The following SZRD1 variants were observed in gnomAD, a reference collection of about 807,000 sequenced individuals.
SZRD1 encodes SUZ RNA-binding domain-containing.
SZRD1 carries 7 observed loss-of-function variants against 17.6 expected under a neutral mutation model. The observed-to-expected ratio is 0.40, with a 90% CI of 0.23 to 0.75. The LOEUF (loss-of-function observed/expected upper bound fraction) is 0.75, where lower values mean the gene tolerates loss of function less well. Among genes scored for constraint, SZRD1 ranks in the 30% least tolerant of loss-of-function variants. The pLI, the probability that SZRD1 is intolerant of heterozygous loss-of-function variation, is 0.38. For synonymous variants in SZRD1, 77 were observed against 77.9 expected (o/e 0.99, Z 0.06); for missense variants, 178 against 201.8 (o/e 0.88, Z 0.71).
chr1:16,367,628 T>A (rs2082844792), intron 1 of SZRD1: 1 of 422,540 alleles, frequency 2.4e-6, no homozygotes, highest in Non-Finnish European at 4.3e-6. Context: ...TGTGACTCTT[T>A]CCGATGAGCC....
At chr1:16,373,078 A>G (rs2082940609) in intron 1 of SZRD1, among the ~76,000 whole-genome samples, 1 of 152,136 alleles carries the variant, frequency 6.6e-6, no homozygotes, top group Non-Finnish European at 1.5e-5. Context: ...GAGGGCTACA[A>G]GTATTTCCTT....
rs370218450 is a variant in SZRD1, at chr1:16,373,294, T to G, written c.51+5986T>G. On this transcript the variant is annotated intron_variant, in intron 1 of 3. Transcript: ENST00000401088. ...AGATTTATTTATTTATGTTTTAAATTTTTTGCCGGACACGATGGCTCATGC... is the reference window on the plus strand; with the variant it reads ...AGATTTATTTATTTATGTTTTAAATGTTTTGCCGGACACGATGGCTCATGC... Among the ~76,000 whole-genome samples, 29 of 151,820 alleles carry G rather than the reference T, an allele frequency of 1.9e-4. 1 individual carries two copies. In the South Asian group the frequency reaches 5.8e-3, roughly 30 times the overall value.
chr1:16,391,460 C>T lies in SZRD1; in HGVS notation c.101+36C>T. 3 of 1,531,812 alleles carry T rather than the reference C, an allele frequency of 2.0e-6. No individual in the cohort carries two copies. Among genetic ancestry groups the T allele is most frequent in the Non-Finnish European group, 2.6e-6 (3 of 1,132,222 alleles). The allele number at this position is 1,531,812 out of a possible 1,614,324, so 94.9% of individuals were successfully genotyped here. A position where few individuals can be genotyped will look rare whatever the true frequency, so the allele number is the denominator to read the frequency against. On this transcript the variant is annotated intron_variant, in intron 2 of 3. Transcript: ENST00000401088. The surrounding 1 kb of genome is among the most constrained non-coding windows in gnomAD (Gnocchi z 4.3). ...TGTCTGGTCTGAGGGCTCATGCTCT[C>T]TGTGGTTTGAGAGCCGGGCAGTCAG...
intron 1 of SZRD1, among the ~76,000 whole-genome samples, chr1:16,375,290 CCAATAGTCTGTAT>C (rs1366451379): frequency 6.6e-6 from 1 of 151,914 alleles, no homozygotes; most frequent in Non-Finnish European, 1.5e-5. Flanking sequence ...GCAACAAACC[CCAATAGTCTGTAT>C]GGAGACAGAT....
intron 1 of SZRD1, among the ~76,000 whole-genome samples, chr1:16,379,558 C>G (rs1290960460): frequency 6.6e-6 from 1 of 152,158 alleles, no homozygotes; most frequent in Non-Finnish European, 1.5e-5. Context: ...TGTTTTTTGC[C>G]AAGAAATGCC....
rs2085216075 is a variant in SZRD1 at position 16,391,181 on chromosome 1, G to T, written c.52-194G>T. On this transcript the variant is annotated intron_variant, in intron 1 of 3. Transcript: ENST00000401088. The surrounding 1 kb of genome is among the most constrained non-coding windows in gnomAD (Gnocchi z 4.3). The stretch of plus-strand genomic sequence containing the variant: ...TTTAGAACTGTCATGGCGGCCATGG[G>T]GCTAGAAGGGAGATGGACCTGCAGA... Among the ~76,000 whole-genome samples, 2 of 152,094 alleles carry T rather than the reference G, an allele frequency of 1.3e-5. No individual in the cohort carries two copies. The highest frequency in any genetic ancestry group is 4.8e-5 in the African/African-American group (2 of 41,400).
At chr1:16,375,345 T>G (rs2082983409) in intron 1 of SZRD1, among the ~76,000 whole-genome samples, 1 of 151,884 alleles carries the variant, frequency 6.6e-6, no homozygotes, top group South Asian at 2.1e-4. Context: ...AGAAGGAGTT[T>G]CTCTCTGTCA....
At chr1:16,389,483 T>TG (rs2085189760) in intron 1 of SZRD1, among the ~76,000 whole-genome samples, 1 of 151,148 alleles carries the variant, frequency 6.6e-6, no homozygotes, top group Non-Finnish European at 1.5e-5. Context: ...TTTTTTTTTT[T>TG]GTATGTTTAG....
chr1:16,369,573 C>G, intron 1 of SZRD1: 1 of 672,314 alleles, frequency 1.5e-6, no homozygotes, highest in Non-Finnish European at 2.7e-6. Flanking sequence ...TCTGCTATCC[C>G]TTACTTTAGT....
intron 1 of SZRD1, among the ~76,000 whole-genome samples, chr1:16,385,090 A>G (rs1352018512): frequency 6.6e-6 from 1 of 152,232 alleles, no homozygotes; most frequent in Non-Finnish European, 1.5e-5. Context: ...TTCAAAGTCC[A>G]AAGCAAGGGT....
chr1:16,375,127 C>T (rs1214333884), intron 1 of SZRD1, among the ~76,000 whole-genome samples: 10 of 152,172 alleles, frequency 6.6e-5, no homozygotes, highest in East Asian at 1.9e-4. Context: ...CCGCCCGCCT[C>T]GGCCTCCCAA....
intron 1 of SZRD1, among the ~76,000 whole-genome samples, chr1:16,390,277 A>G (rs1479614402): frequency 1.3e-5 from 2 of 152,158 alleles, no homozygotes; most frequent in East Asian, 3.8e-4. Context: ...TGTCCTGGAT[A>G]TAGATGCTCA....
intron 1 of SZRD1, chr1:16,369,486 C>T: frequency 1.0e-6 from 1 of 961,894 alleles, no homozygotes; most frequent in Non-Finnish European, 1.7e-6. Flanking sequence ...GAACCTGCTT[C>T]TTTTTTTTGC....
chr1:16,394,910 G>T, intron 3 of SZRD1, 128 bp from the exon 4 acceptor site: 1 of 632,632 alleles, frequency 1.6e-6, no homozygotes, highest in East Asian at 2.8e-5. Context: ...AGCGGAGATC[G>T]TGCCACTGCA....
At chr1:16,390,658 T>C (rs2085208396) in intron 1 of SZRD1, 1 of 152,222 alleles carries the variant, frequency 6.6e-6, no homozygotes, top group Non-Finnish European at 1.5e-5. Context: ...TTCAAGTCCG[T>C]AACAGTAAAA....
chr1:16,371,481 A>T (rs2082913011), intron 1 of SZRD1, among the ~76,000 whole-genome samples: 1 of 123,212 alleles, frequency 8.1e-6, no homozygotes, highest in South Asian at 2.5e-4. Flanking sequence ...TTTTTTCCCG[A>T]GATGGAGTCT....
At position 16,367,290 on chromosome 1, in the gene SZRD1, A is replaced by G. The variant is rs1394464331; in HGVS notation, c.33A>G (p.Glu11=). ...ATGAGGAGGTCGCTGAGAGCTGGGA[A>G]GAGGCGGCAGACAGCGGGGTAAGGA... is the stretch of plus-strand genomic sequence containing the variant. MEDEEVAESW[E]EAADSGEIDR... The change falls in exon 1 of 4, where the codon GAA becomes GAG. Residue 11 remains glutamate (E), a synonymous_variant. Transcript: ENST00000401088. 1 of 1,548,896 alleles carries G rather than the reference A, an allele frequency of 6.5e-7. No individual in the cohort carries two copies. The highest frequency in any genetic ancestry group is 1.2e-5 in the South Asian group (1 of 83,962).
chr1:16,367,605 G>T, intron 1 of SZRD1: 1 of 477,158 alleles, frequency 2.1e-6, no homozygotes, highest in East Asian at 3.8e-5. Context: ...CCCACTTGCT[G>T]GCCGTGGGCC....
intron 1 of SZRD1, among the ~76,000 whole-genome samples, chr1:16,386,134 A>G (rs942445180): frequency 1.3e-5 from 2 of 152,252 alleles, no homozygotes; most frequent in South Asian, 2.1e-4. Context: ...GCTTGGTGCT[A>G]CTTGGCTGAA....
Sources: gnomAD v4.1 joint callset for allele counts (sites outside exome capture counted in the v4.1 genomes callset) on GRCh38, gnomAD v4.1.1 for gene constraint, Gnocchi (gnomAD v3.1) non-coding constraint, MANE v1.5 for transcripts, NCBI Gene and HGNC (gene_info 2026-07-23, HGNC 2026-07-21) for gene names.